CBLC: variants seen among roughly 807,000 people sequenced by gnomAD.
CBLC encodes Cbl proto-oncogene C.
In CBLC, 46 loss-of-function variants were observed where a neutral mutation model predicts 58.6. The observed-to-expected ratio is 0.79, with a 90% CI of 0.62 to 1.00. The LOEUF (loss-of-function observed/expected upper bound fraction) is 1.00. Ranked by LOEUF, CBLC falls within the 50% of genes least tolerant of loss-of-function variation. The pLI is 0.00. For synonymous variants in CBLC, 271 were observed against 264.2 expected (o/e 1.03, Z -0.25); for missense variants, 655 against 625.8 (o/e 1.05, Z -0.50).
intron 9 of CBLC, 109 bp downstream of exon 9, chr19:44,794,390 C>A: frequency 2.2e-6 from 2 of 921,282 alleles, no homozygotes; most frequent in South Asian, 1.7e-5. Flanking sequence ...ATCCTTGGCA[C>A]CCATTTCCAA....
chr19:44,781,670 A>AG (rs1967744669), intron 3 of CBLC, among the ~76,000 whole-genome samples: 1 of 91,728 alleles, frequency 1.1e-5, no homozygotes. Flanking sequence ...CTGAGGGAGG[A>AG]AGGCCTGGGG....
intron 5 of CBLC, among the ~76,000 whole-genome samples, chr19:44,784,950 G>GTTTTTTGT (rs543317017): frequency 2.9e-5 from 1 of 34,356 alleles, no homozygotes; most frequent in Non-Finnish European, 6.6e-5. Flanking sequence ...CTAGACAGGT[G>GTTTTTTGT]TTTTTTTTTT....
chr19:44,778,372 C>G, intron 1 of CBLC, 88 bp downstream of exon 1: 1 of 1,234,506 alleles, frequency 8.1e-7, no homozygotes, highest in Non-Finnish European at 1.0e-6. Flanking sequence ...GGAACTTAGG[C>G]CCCCACCCCC....
chr19:44,799,085 C>T (rs191413299), intron 9 of CBLC, among the ~76,000 whole-genome samples: 1 of 152,324 alleles, frequency 6.6e-6, no homozygotes, highest in African/African-American at 2.4e-5. Flanking sequence ...AGGAGCTGAT[C>T]AGTCACTGCG....
intron 5 of CBLC, among the ~76,000 whole-genome samples, chr19:44,785,742 C>A (rs1967886924): frequency 6.6e-6 from 1 of 151,704 alleles, no homozygotes; most frequent in Non-Finnish European, 1.5e-5. Flanking sequence ...TCAAGAACAG[C>A]CTGGTCAACA....
At chr19:44,783,620 G>A (rs533705545) in intron 4 of CBLC, among the ~76,000 whole-genome samples, 91 of 152,282 alleles carry the variant, frequency 6.0e-4, no homozygotes, top group African/African-American at 2.1e-3. Context: ...GGTGGAGGTT[G>A]CAGTGAGCCA....
chr19:44,792,614 C>T (rs1968084335), intron 7 of CBLC, 100 bp downstream of exon 7: 5 of 1,284,082 alleles, frequency 3.9e-6, no homozygotes, highest in African/African-American at 3.1e-5. Flanking sequence ...ATGGGGAAAC[C>T]GAAGGCCAGA....
At chr19:44,797,812 C>T (rs1044580939) in intron 9 of CBLC, among the ~76,000 whole-genome samples, 1 of 151,966 alleles carries the variant, frequency 6.6e-6, no homozygotes, top group East Asian at 1.9e-4. Flanking sequence ...ACAATCACAG[C>T]TCACTATAGC....
intron 9 of CBLC, among the ~76,000 whole-genome samples, chr19:44,797,117 T>G (rs746557503): frequency 2.6e-5 from 4 of 152,036 alleles, no homozygotes; most frequent in Non-Finnish European, 4.4e-5. Flanking sequence ...CCCCCACCCT[T>G]TCCTCCTCTC....
At chr19:44,793,393 G>C (rs1968101980) in intron 7 of CBLC, 81 bp from the exon 8 acceptor site, 6 of 1,417,244 alleles carry the variant, frequency 4.2e-6, no homozygotes, top group Non-Finnish European at 5.6e-6. Context: ...TCAATCTTTT[G>C]GGCGGGGAGC....
At chr19:44,799,682 G>C (rs1244403592) in intron 9 of CBLC, among the ~76,000 whole-genome samples, 1 of 146,354 alleles carries the variant, frequency 6.8e-6, no homozygotes, top group East Asian at 2.1e-4. Context: ...AAAAAAGAAA[G>C]AAAAGTAAAG....
chr19:44,778,980 G>T (rs1041932513), intron 1 of CBLC, among the ~76,000 whole-genome samples: 43 of 152,040 alleles, frequency 2.8e-4, no homozygotes, highest in African/African-American at 8.7e-4. Context: ...TCCTTCCTTG[G>T]GCACCCATGC....
intron 5 of CBLC, 137 bp from the exon 6 acceptor site, chr19:44,789,867 C>A: frequency 1.5e-6 from 1 of 675,638 alleles, no homozygotes. Context: ...GGAAAATAAG[C>A]CCAGGCCAGC....
At position 44,800,477 on chromosome 19, in the gene CBLC, GCCCACTCCAC is replaced by G. The variant is rs201244009; in HGVS notation, c.*7+40_*7+49del. On this transcript the variant is annotated intron_variant, in intron 10 of 10. Transcript: ENST00000647358. ...TGAGTCCATTCCCTAACCCTCCCTGGCCCACTCCACCCCACTCCACCCTCCTCCACCTGGA... is the reference window on the plus strand; with the variant it reads ...TGAGTCCATTCCCTAACCCTCCCTGGCCCACTCCACCCTCCTCCACCTGGA... The G allele has an allele frequency of 1.1e-3, 1,631 of 1,485,414 alleles. 22 individuals are homozygous for G. The African/African-American group carries it at 0.02, about 18-fold the overall frequency. 92.0% of individuals were successfully genotyped at this position (1,485,414 alleles called of 1,614,324 possible).
chr19:44,778,123 G>T lies in CBLC; in HGVS notation c.192G>T (p.Ala64=), dbSNP rs937514313. 2.5e-6 allele frequency: 4 copies of T among 1,597,386 alleles called. No individual in the cohort carries two copies. The highest frequency in any genetic ancestry group is 1.1e-5 in the South Asian group (1 of 90,348). The part of the protein sequence containing the change: ...LLREVAHSRR[A]AGGGGPGGPG... ...GAGAGGTGGCCCATTCTCGGCGGGC[G>T]GCCGGCGGAGGCGGCCCCGGGGGTC... is the stretch of plus-strand genomic sequence containing the variant. The change falls in exon 1 of 11, where the codon GCG becomes GCT. Residue 64 remains alanine, a synonymous_variant. Transcript: ENST00000647358.
intron 8 of CBLC, 48 bp downstream of exon 8, chr19:44,793,668 G>C: frequency 6.5e-7 from 1 of 1,542,540 alleles, no homozygotes; most frequent in Non-Finnish European, 8.8e-7. Context: ...TGAGGCCTGA[G>C]TGGGGAGGGA....
intron 4 of CBLC, 71 bp downstream of exon 4, chr19:44,782,562 T>C: frequency 1.5e-6 from 2 of 1,293,228 alleles, no homozygotes; most frequent in Non-Finnish European, 2.2e-6. Context: ...TGGTGCGTGG[T>C]GGAGCCCAGA....
chr19:44,790,587 A>G (rs569780115), intron 6 of CBLC, among the ~76,000 whole-genome samples: 2 of 152,032 alleles, frequency 1.3e-5, no homozygotes, highest in African/African-American at 4.8e-5. Flanking sequence ...GGTGTGAGCC[A>G]CTGCACCCAG....
At chr19:44,798,999 A>G (rs1412396720) in intron 9 of CBLC, among the ~76,000 whole-genome samples, 1 of 152,100 alleles carries the variant, frequency 6.6e-6, no homozygotes, top group East Asian at 1.9e-4. Context: ...CCCATCTCCA[A>G]GAGGCCTCCC....
Sources: allele counts gnomAD v4.1 joint callset (sites outside exome capture counted in the v4.1 genomes callset), GRCh38; gene constraint gnomAD v4.1.1; transcripts MANE v1.5; gene names NCBI Gene and HGNC (gene_info 2026-07-23, HGNC 2026-07-21).